Variants in RALGAPA2 observed in about 807,000 individuals in gnomAD.
RALGAPA2 encodes Ral GTPase activating protein catalytic subunit alpha 2, also known as ral GTPase-activating protein subunit alpha-2.
Under a neutral mutation model 230.4 loss-of-function variants are expected in RALGAPA2, and 139 were observed. That is an observed-to-expected ratio of 0.60 (90% CI 0.53 to 0.69). The LOEUF is 0.69. RALGAPA2 is among the 30% of genes least tolerant of loss of function. The pLI, the probability that RALGAPA2 is intolerant of heterozygous loss-of-function variation, is 0.00. For synonymous variants in RALGAPA2, 847 were observed against 837.8 expected (o/e 1.01, Z -0.19); for missense variants, 2,163 against 2,276.0 (o/e 0.95, Z 1.01).
intron 37 of RALGAPA2, among the ~76,000 whole-genome samples, chr20:20,441,628 C>G (rs963913479): frequency 6.6e-6 from 1 of 152,150 alleles, no homozygotes; most frequent in Non-Finnish European, 1.5e-5. Context: ...CTAGGTTGCC[C>G]ATGGTTGGAG....
intron 3 of RALGAPA2, among the ~76,000 whole-genome samples, chr20:20,657,663 T>C (rs2067636707): frequency 6.6e-6 from 1 of 152,176 alleles, no homozygotes; most frequent in South Asian, 2.1e-4. Context: ...TTCCATGCAG[T>C]TCACAGTGCC....
At chr20:20,660,775 C>T (rs1028317718) in intron 3 of RALGAPA2, among the ~76,000 whole-genome samples, 1 of 152,228 alleles carries the variant, frequency 6.6e-6, no homozygotes, top group Non-Finnish European at 1.5e-5. Context: ...TTTGTGGGTA[C>T]TGACAGTAGA....
intron 16 of RALGAPA2, among the ~76,000 whole-genome samples, chr20:20,592,774 G>A (rs1448003234): frequency 1.3e-5 from 2 of 152,122 alleles, no homozygotes; most frequent in Non-Finnish European, 2.9e-5. Flanking sequence ...CCTTAAGCAA[G>A]AAGTATGTTG....
chr20:20,513,515 C>A lies in RALGAPA2; in HGVS notation c.4085-231G>T, dbSNP rs192840565. Among the ~76,000 whole-genome samples the A allele has an allele frequency of 6.6e-3, 1,002 of 152,272 alleles. 2 individuals carry two copies. Among genetic ancestry groups the A allele is most frequent in the Non-Finnish European group, 1.0e-2 (679 of 68,018 alleles). ...TGGAATCGTGAAGGATGTTCCAGAT[C>A]TCAGGGAGGACAATGCAGGCAAACA... On this transcript the variant is annotated intron_variant, in intron 31 of 39. Transcript: ENST00000202677.
Position 20,412,012 on chromosome 20 carries a change from A to G in RALGAPA2, c.5617+15T>C. 3 of 1,613,880 alleles carry G rather than the reference A, an allele frequency of 1.9e-6. No homozygotes were observed. Among genetic ancestry groups the G allele is most frequent in the Admixed American group, 3.3e-5 (2 of 60,028 alleles). ...CGTCTTAAGCGCGTGAGAGAAGAAT[A>G]ATGTAGACACTCACCCGTTCCGCTG... On this transcript the variant is annotated intron_variant, in intron 38 of 39. Coordinates refer to ENST00000202677, the MANE Select transcript of RALGAPA2 (RefSeq NM_020343.4).
chr20:20,711,543 G>A (rs1357051078), intron 1 of RALGAPA2, among the ~76,000 whole-genome samples: 2 of 152,126 alleles, frequency 1.3e-5, no homozygotes, highest in South Asian at 2.1e-4. Flanking sequence ...CAGGTGACAG[G>A]AAGCCTTGTG....
chr20:20,659,780 A>G, intron 3 of RALGAPA2: 1 of 907,832 alleles, frequency 1.1e-6, no homozygotes, highest in Non-Finnish European at 1.7e-6. Flanking sequence ...AACAGCACAC[A>G]GAAAGATGGA....
At chr20:20,551,681 A>C (rs560685557) in intron 23 of RALGAPA2, among the ~76,000 whole-genome samples, 2 of 152,332 alleles carry the variant, frequency 1.3e-5, no homozygotes, top group South Asian at 4.1e-4. Flanking sequence ...CTTTAATTGA[A>C]TGCTATGTAC....
chr20:20,600,138 A>T (rs909474888), intron 16 of RALGAPA2, among the ~76,000 whole-genome samples: 1 of 150,960 alleles, frequency 6.6e-6, no homozygotes, highest in African/African-American at 2.4e-5. Flanking sequence ...CTACTGAAGA[A>T]AAAAAAAATT....
intron 24 of RALGAPA2, among the ~76,000 whole-genome samples, chr20:20,541,507 A>G (rs534356810): frequency 2.2e-4 from 33 of 152,302 alleles, no homozygotes; most frequent in African/African-American, 7.9e-4. Flanking sequence ...AGTCCACCTA[A>G]TAACAGATAT....
At chr20:20,621,323 A>G (rs898724604) in intron 10 of RALGAPA2, among the ~76,000 whole-genome samples, 1 of 152,216 alleles carries the variant, frequency 6.6e-6, no homozygotes, top group African/African-American at 2.4e-5. Context: ...ACATGCTGGT[A>G]CAGCAAGTGG....
chr20:20,583,216 G>A lies in RALGAPA2; in HGVS notation c.2541C>T (p.Thr847=). 1 of 1,603,190 alleles carries A rather than the reference G, an allele frequency of 6.2e-7. No individual in the cohort carries two copies. Among genetic ancestry groups the A allele is most frequent in the Non-Finnish European group, 8.5e-7 (1 of 1,175,948 alleles). The change falls in exon 20 of 40, where the codon ACC becomes ACT. Residue 847 remains threonine, a synonymous_variant. Coordinates refer to ENST00000202677, the MANE Select transcript of RALGAPA2 (RefSeq NM_020343.4). ...KCRERQKSES[T]NSDTTLGCTN... is the part of the protein sequence containing the mutation. ...TACAGCCCAGAGTTGTGTCACTGTT[G>A]GTACTTTCACCTGGTACAATGGAAG...
At chr20:20,513,996 G>A (rs1602608551) in intron 31 of RALGAPA2, among the ~76,000 whole-genome samples, 2 of 152,324 alleles carry the variant, frequency 1.3e-5, no homozygotes, top group Middle Eastern at 3.4e-3. Context: ...GCACCAGGCT[G>A]CTCCCCTGAG....
chr20:20,497,131 T>C (rs2062232624), intron 35 of RALGAPA2, among the ~76,000 whole-genome samples: 1 of 152,250 alleles, frequency 6.6e-6, no homozygotes, highest in African/African-American at 2.4e-5. Flanking sequence ...TACATAGTTT[T>C]AAACAAAATA....
At chr20:20,688,292 G>A (rs1217876977) in intron 1 of RALGAPA2, among the ~76,000 whole-genome samples, 2 of 151,546 alleles carry the variant, frequency 1.3e-5, no homozygotes, top group Non-Finnish European at 1.5e-5. Flanking sequence ...GGCAACAAGA[G>A]CAAAACTCCA....
intron 37 of RALGAPA2, among the ~76,000 whole-genome samples, chr20:20,465,148 T>TTCTC (rs1454330128): frequency 2.9e-4 from 3 of 10,452 alleles, no homozygotes; most frequent in Non-Finnish European, 8.2e-4. Context: ...CCCGCAGGCC[T>TTCTC]TCACACACAC....
Position 20,605,256 on chromosome 20 carries a change from T to C in RALGAPA2, c.1957A>G (p.Arg653Gly). 4 of 1,613,686 alleles carry C rather than the reference T, an allele frequency of 2.5e-6. No homozygotes were observed. The highest frequency in any genetic ancestry group is 3.4e-6 in the Non-Finnish European group (4 of 1,179,612). Residue 653 changes from arginine to glycine, a missense_variant, in exon 15 of 40, where the codon AGA (arginine) becomes GGA (glycine). Transcript: ENST00000202677. ...IMDSLTAVLA[R>G]TVYGVEMTNL... is the part of the protein sequence containing the mutation. ...GTCATCTCAACTCCATAAACGGTTC[T>C]TGCAAGCACTGCTGTCAAGGAGTCC...
rs534627777 is a variant in RALGAPA2 at position 20,620,430 on chromosome 20, C to A, written c.1401+33G>T. On this transcript the variant is annotated intron_variant, in intron 11 of 39. Transcript: ENST00000202677. ...AGTATACTTTACTAAAATATATTTA[C>A]CCTCAACTCAAAAGACAAGTGAAAA... 1.2e-4 allele frequency: 189 copies of A among 1,602,282 alleles called. 1 individual carries two copies. The highest frequency in any genetic ancestry group is 1.5e-4 in the Non-Finnish European group (181 of 1,171,470).
chr20:20,434,276 T>G (rs2060561811), intron 37 of RALGAPA2, among the ~76,000 whole-genome samples: 1 of 152,288 alleles, frequency 6.6e-6, no homozygotes, highest in Admixed American at 6.5e-5. Context: ...TGCCAGTAGT[T>G]CCTCTGTGGG....
Sources: gnomAD v4.1 joint callset for allele counts (sites outside exome capture counted in the v4.1 genomes callset) on GRCh38, gnomAD v4.1.1 for gene constraint, MANE v1.5 for transcripts, NCBI Gene and HGNC (gene_info 2026-07-23, HGNC 2026-07-21) for gene names.